The following ZHX2 variants were observed in gnomAD, a reference collection of about 807,000 sequenced individuals.
ZHX2 encodes the protein zinc fingers and homeoboxes protein 2.
In ZHX2, 6 loss-of-function variants were observed where a neutral mutation model predicts 21.9. The ratio of observed to expected loss-of-function variants is 0.27; its 90% CI spans 0.15 to 0.54. ZHX2 has a LOEUF of 0.54. ZHX2 is among the 20% of genes least tolerant of loss of function. ZHX2 has a pLI of 0.95. For synonymous variants in ZHX2, 434 were observed against 437.1 expected (o/e 0.99, Z 0.09); for missense variants, 908 against 1,090.7 (o/e 0.83, Z 2.36).
At chr8:122,825,707 A>G (rs1818249839) in intron 1 of ZHX2, among the ~76,000 whole-genome samples, 1 of 152,206 alleles carries the variant, frequency 6.6e-6, no homozygotes, top group African/African-American at 2.4e-5. Context: ...TATTTGGTAA[A>G]GAAGCTGATT....
At chr8:122,956,653 TG>T (rs1237407275) in intron 3 of ZHX2, among the ~76,000 whole-genome samples, 1 of 152,172 alleles carries the variant, frequency 6.6e-6, no homozygotes, top group Non-Finnish European at 1.5e-5. Context: ...AGGTAGAGTT[TG>T]GGTTCGGTAA....
intron 3 of ZHX2, among the ~76,000 whole-genome samples, chr8:122,956,898 C>T (rs1038500446): frequency 6.6e-6 from 1 of 152,104 alleles, no homozygotes; most frequent in Middle Eastern, 3.2e-3. Context: ...AATACCACCA[C>T]CACCAGTTGA....
chr8:122,880,305 G>A (rs1030073851), intron 2 of ZHX2, among the ~76,000 whole-genome samples: 3 of 152,044 alleles, frequency 2.0e-5, no homozygotes, highest in African/African-American at 7.2e-5. Context: ...GGAACCTGAG[G>A]CTGGTGACAC....
chr8:122,954,842 T>C (rs1350524396), intron 3 of ZHX2, among the ~76,000 whole-genome samples: 3 of 150,132 alleles, frequency 2.0e-5, no homozygotes, highest in East Asian at 1.9e-4. Flanking sequence ...GAAGAGGTTG[T>C]TTCTTTTTTT....
rs762012515 is a variant in ZHX2, at chr8:122,953,657, T to C, written c.2147T>C (p.Met716Thr). The C allele has an allele frequency of 4.3e-6, 7 of 1,614,034 alleles. No homozygotes were observed. The Admixed American group carries it at 8.3e-5, about 19-fold the overall frequency. Residue 716 changes from methionine (M) to threonine (T), a missense_variant, in exon 3 of 4, where the codon ATG (methionine) becomes ACG (threonine). Coordinates refer to ENST00000314393, the MANE Select transcript of ZHX2 (RefSeq NM_014943.5). This position sits in a 1 kb window ranked among gnomAD's most constrained non-coding sequence, Gnocchi z 4.6. ...GTAGCAAGGAAAGCAACAAAACCCA[T>C]GGCCGAGAGCCCAAAGAACGGGGGT... The part of the protein sequence containing the change: ...DAVARKATKP[M>T]AESPKNGGDV...
At chr8:122,850,260 G>A (rs988731080) in intron 1 of ZHX2, among the ~76,000 whole-genome samples, 22 of 151,978 alleles carry the variant, frequency 1.4e-4, no homozygotes, top group Admixed American at 9.2e-4. Flanking sequence ...TGTGAGTGAC[G>A]CTCCTGGATT....
intron 1 of ZHX2, among the ~76,000 whole-genome samples, chr8:122,801,585 C>CA (rs34318877): frequency 2.5e-3 from 306 of 124,774 alleles, no homozygotes; most frequent in South Asian, 0.011. Context: ...GCCATCTCTA[C>CA]AAAAAAAAAA....
At position 122,782,239 on chromosome 8, in the gene ZHX2, G is replaced by C. The variant is rs909899005; in HGVS notation, c.-283+293G>C. Among the ~76,000 whole-genome samples, 1 of 152,160 alleles carries C rather than the reference G, an allele frequency of 6.6e-6. No homozygotes were observed. On this transcript the variant is annotated intron_variant, in intron 1 of 3. Transcript: ENST00000314393. This position sits in a 1 kb window ranked among gnomAD's most constrained non-coding sequence, Gnocchi z 5.3. ...TACAAGTTTGGATAAATGGGAGCCA[G>C]AGCGAGGAGGAGGAGGAGGAGGAGG...
chr8:122,826,746 A>G (rs1196564565), intron 1 of ZHX2, among the ~76,000 whole-genome samples: 1 of 152,190 alleles, frequency 6.6e-6, no homozygotes, highest in East Asian at 1.9e-4. Flanking sequence ...GTTCGGAAAA[A>G]TGTGTTCAGA....
intron 1 of ZHX2, among the ~76,000 whole-genome samples, chr8:122,792,311 T>C (rs1162102062): frequency 6.6e-6 from 1 of 152,238 alleles, no homozygotes; most frequent in Non-Finnish European, 1.5e-5. Context: ...CATGTATTAG[T>C]ATTTTGTTTC....
chr8:122,797,278 C>G (rs1177678749), intron 1 of ZHX2, among the ~76,000 whole-genome samples: 1 of 152,182 alleles, frequency 6.6e-6, no homozygotes, highest in Non-Finnish European at 1.5e-5. Context: ...ATTTTGTAGC[C>G]ACTTCATTTG....
chr8:122,806,164 T>G (rs1470683555), intron 1 of ZHX2, among the ~76,000 whole-genome samples: 1 of 152,226 alleles, frequency 6.6e-6, no homozygotes, highest in Non-Finnish European at 1.5e-5. Context: ...TGAGTCACTT[T>G]CGATGGCATT....
At chr8:122,887,569 A>G (rs890125765) in intron 2 of ZHX2, among the ~76,000 whole-genome samples, 6 of 152,184 alleles carry the variant, frequency 3.9e-5, no homozygotes, top group Admixed American at 2.0e-4. Context: ...ATACAAGTGT[A>G]TATGTACATA....
intron 1 of ZHX2, among the ~76,000 whole-genome samples, chr8:122,857,037 C>T (rs1819042695): frequency 6.6e-6 from 1 of 152,194 alleles, no homozygotes; most frequent in Non-Finnish European, 1.5e-5. Context: ...CCTCCCGCCA[C>T]AGCCCACACA....
intron 1 of ZHX2, chr8:122,809,089 G>A (rs980048694): frequency 6.6e-6 from 1 of 152,270 alleles, no homozygotes; most frequent in African/African-American, 2.4e-5. Context: ...TTCTTGGAAA[G>A]GAATGGAAGG....
intron 2 of ZHX2, among the ~76,000 whole-genome samples, chr8:122,931,055 T>C (rs1372867266): frequency 6.6e-6 from 1 of 152,120 alleles, no homozygotes; most frequent in Non-Finnish European, 1.5e-5. Context: ...CACCTGCCAA[T>C]AACCCCCCAG....
intron 2 of ZHX2, among the ~76,000 whole-genome samples, chr8:122,900,497 G>A (rs1820203025): frequency 6.6e-6 from 1 of 152,078 alleles, no homozygotes; most frequent in Non-Finnish European, 1.5e-5. Context: ...CCAACCCCAG[G>A]GATCAGATTT....
intron 2 of ZHX2, among the ~76,000 whole-genome samples, chr8:122,878,672 T>A (rs1819625590): frequency 6.6e-6 from 1 of 151,928 alleles, no homozygotes; most frequent in African/African-American, 2.4e-5. Context: ...CTGTAGGAGG[T>A]GCAGGGAGTG....
chr8:122,894,082 T>C (rs1429636545), intron 2 of ZHX2, among the ~76,000 whole-genome samples: 1 of 152,190 alleles, frequency 6.6e-6, no homozygotes, highest in East Asian at 1.9e-4. Flanking sequence ...CTGTAATCAG[T>C]GTAAGAAGTG....
Sources: allele counts gnomAD v4.1 joint callset (sites outside exome capture counted in the v4.1 genomes callset), GRCh38; gene constraint gnomAD v4.1.1; non-coding constraint Gnocchi (gnomAD v3.1); transcripts MANE v1.5; gene names NCBI Gene and HGNC (gene_info 2026-07-23, HGNC 2026-07-21).